The following SHANK2 variants were observed in gnomAD, a reference collection of about 807,000 sequenced individuals.
The protein encoded by SHANK2 is SH3 and multiple ankyrin repeat domains 2.
In SHANK2, 43 loss-of-function variants were observed where a neutral mutation model predicts 133.7. The observed-to-expected ratio is 0.32, with a 90% CI of 0.25 to 0.41. The LOEUF is 0.41. SHANK2 is among the 10% of genes least tolerant of loss of function. SHANK2 has a pLI of 1.00. For missense variants in SHANK2, 1,994 were observed against 2,235.8 expected (o/e 0.89, Z 2.18); for synonymous variants, 1,017 against 952.8 (o/e 1.07, Z -1.24).
At chr11:70,682,855 CGTGAGGATGGG>C (rs1945057023) in intron 15 of SHANK2, among the ~76,000 whole-genome samples, 1 of 152,054 alleles carries the variant, frequency 6.6e-6, no homozygotes, top group African/African-American at 2.4e-5. Flanking sequence ...AGGAGGATGA[CGTGAGGATGGG>C]GAATGACACT....
intron 25 of SHANK2, chr11:70,475,207 G>C (rs2058647355): frequency 6.6e-6 from 1 of 152,200 alleles, no homozygotes; most frequent in South Asian, 2.1e-4. Flanking sequence ...AAACCACCTG[G>C]GACACTGGTG....
At chr11:71,117,703 G>A (rs7926778) in intron 4 of SHANK2, among the ~76,000 whole-genome samples, 39,667 of 152,142 alleles carry the variant, frequency 0.26, 6,440 homozygotes, top group East Asian at 0.49. Context: ...ATACTGGGAG[G>A]GTGGTGCACG....
At chr11:71,232,639 G>A (rs1954762653) in intron 1 of SHANK2, among the ~76,000 whole-genome samples, 1 of 151,998 alleles carries the variant, frequency 6.6e-6, no homozygotes, top group Non-Finnish European at 1.5e-5. Flanking sequence ...ACTCAGTGAG[G>A]AGTGAATGTA....
intron 10 of SHANK2, among the ~76,000 whole-genome samples, chr11:70,946,089 T>G (rs1281498485): frequency 3.6e-5 from 5 of 138,878 alleles, no homozygotes; most frequent in Non-Finnish European, 7.7e-5. Context: ...AGGCTCAACC[T>G]CTCTCTCCAC....
At chr11:70,698,640 G>A (rs373998647) in intron 15 of SHANK2, 48 bp downstream of exon 15, 9 of 718,352 alleles carry the variant, frequency 1.3e-5, no homozygotes, top group African/African-American at 1.0e-4. Flanking sequence ...CAGCACAGAC[G>A]AACAGCTTTG....
At chr11:70,785,170 G>A (rs72935479) in intron 14 of SHANK2, among the ~76,000 whole-genome samples, 152 of 152,272 alleles carry the variant, frequency 1.0e-3, no homozygotes, top group Admixed American at 1.2e-3. Flanking sequence ...TGGGCCCAAT[G>A]GGCATGGCCA....
At chr11:71,088,196 C>T (rs1212073307) in intron 8 of SHANK2, among the ~76,000 whole-genome samples, 1 of 152,298 alleles carries the variant, frequency 6.6e-6, no homozygotes, top group South Asian at 2.1e-4. Context: ...ATCCCCGCAG[C>T]GGCATCAACT....
chr11:70,636,594 AGTGT>A (rs2061095997), intron 17 of SHANK2, among the ~76,000 whole-genome samples: 1 of 105,274 alleles, frequency 9.5e-6, no homozygotes, highest in African/African-American at 3.9e-5. Flanking sequence ...AGTCTGTGTG[AGTGT>A]ATGAGTGTGT....
chr11:70,571,066 G>A (rs1249323863), intron 17 of SHANK2, among the ~76,000 whole-genome samples: 2 of 152,088 alleles, frequency 1.3e-5, no homozygotes, highest in Non-Finnish European at 2.9e-5. Context: ...GGTCCTGGAG[G>A]CGGATTCTAG....
chr11:70,531,181 A>C (rs1216749194), intron 17 of SHANK2, among the ~76,000 whole-genome samples: 4 of 130,102 alleles, frequency 3.1e-5, no homozygotes, highest in Non-Finnish European at 5.1e-5. Flanking sequence ...AAAAAAAAAA[A>C]CAAAAAGGCT....
chr11:70,494,394 A>G (rs1591500283), intron 21 of SHANK2, among the ~76,000 whole-genome samples: 1 of 152,102 alleles, frequency 6.6e-6, no homozygotes, highest in East Asian at 1.9e-4. Flanking sequence ...CCTGGGTTCA[A>G]GCAATTCTCG....
chr11:70,495,067 G>A (rs1156691919), intron 21 of SHANK2, among the ~76,000 whole-genome samples: 1 of 152,182 alleles, frequency 6.6e-6, no homozygotes, highest in Non-Finnish European at 1.5e-5. Flanking sequence ...ACTTGGCAGT[G>A]GGGACATCCT....
chr11:70,599,651 G>T (rs886923675), intron 17 of SHANK2, among the ~76,000 whole-genome samples: 1 of 127,400 alleles, frequency 7.8e-6, no homozygotes, highest in Non-Finnish European at 1.7e-5. Flanking sequence ...AATTGGCTGG[G>T]TGTGGTGGCG....
intron 14 of SHANK2, among the ~76,000 whole-genome samples, chr11:70,737,657 A>C (rs1401192742): frequency 2.6e-5 from 4 of 152,206 alleles, no homozygotes; most frequent in African/African-American, 7.2e-5. Flanking sequence ...CCCAGGCCCC[A>C]GTGGGCAGCC....
At chr11:70,513,105 G>GA (rs1454089306) in intron 17 of SHANK2, among the ~76,000 whole-genome samples, 1 of 151,822 alleles carries the variant, frequency 6.6e-6, no homozygotes, top group Non-Finnish European at 1.5e-5. Flanking sequence ...GATGAGAGTT[G>GA]AAAATTAGAA....
chr11:70,686,252 AT>A (rs1945149777), intron 15 of SHANK2, among the ~76,000 whole-genome samples: 3 of 15,776 alleles, frequency 1.9e-4, no homozygotes, highest in African/African-American at 8.3e-4. Context: ...CCACCCACCC[AT>A]CCACACACCC....
chr11:70,802,413 G>A (rs989770986), intron 13 of SHANK2, among the ~76,000 whole-genome samples: 2 of 152,044 alleles, frequency 1.3e-5, no homozygotes, highest in African/African-American at 2.4e-5. Context: ...GGGTGGCTCC[G>A]ACCCCGCTGC....
At chr11:70,595,929 A>C (rs930327098) in intron 17 of SHANK2, among the ~76,000 whole-genome samples, 2 of 152,242 alleles carry the variant, frequency 1.3e-5, no homozygotes, top group Non-Finnish European at 2.9e-5. Flanking sequence ...TTGTGAGAGA[A>C]AACAGAGCGG....
intron 11 of SHANK2, among the ~76,000 whole-genome samples, chr11:70,848,391 C>T (rs539161701): frequency 8.5e-5 from 13 of 152,296 alleles, no homozygotes; most frequent in African/African-American, 2.2e-4. Flanking sequence ...CACCCGTTCC[C>T]GCCACTTCCC....
Sources: allele counts gnomAD v4.1 joint callset (sites outside exome capture counted in the v4.1 genomes callset), GRCh38; gene constraint gnomAD v4.1.1; transcripts MANE v1.5; gene names NCBI Gene and HGNC (gene_info 2026-07-23, HGNC 2026-07-21).